The following FSTL4 variants were observed in gnomAD, a reference collection of about 807,000 sequenced individuals.
The protein encoded by FSTL4 is follistatin-related protein 4.
FSTL4 carries 28 observed loss-of-function variants against 78.2 expected under a neutral mutation model. The ratio of observed to expected loss-of-function variants is 0.36; its 90% confidence interval spans 0.27 to 0.49. The LOEUF is 0.49. Among genes scored for constraint, FSTL4 ranks in the 20% least tolerant of loss-of-function variants. The pLI, the probability that FSTL4 is intolerant of heterozygous loss-of-function variation, is 0.98. For missense variants in FSTL4, 922 were observed against 1,084.9 expected (o/e 0.85, Z 2.11); for synonymous variants, 422 against 440.5 (o/e 0.96, Z 0.53).
At chr5:133,711,760 T>A in the FSTL4 span, among the ~76,000 whole-genome samples, 2 of 152,318 alleles carry the variant, frequency 1.3e-5, no homozygotes, top group East Asian at 1.9e-4. Flanking sequence ...TACTTTCGTG[T>A]GATACAAACC....
chr5:133,268,312 C>T (rs554053595), intron 6 of FSTL4, among the ~76,000 whole-genome samples: 2 of 152,326 alleles, frequency 1.3e-5, no homozygotes, highest in Admixed American at 1.3e-4. Flanking sequence ...GTCCGGTCAA[C>T]TTTGGTCTGT....
At chr5:133,369,555 C>A (rs375931485) in intron 4 of FSTL4, among the ~76,000 whole-genome samples, 1 of 152,214 alleles carries the variant, frequency 6.6e-6, no homozygotes, top group Non-Finnish European at 1.5e-5. Context: ...AGGCTTGTTC[C>A]GTCACAACCT....
chr5:133,319,329 A>G (rs552433043), intron 4 of FSTL4, among the ~76,000 whole-genome samples: 1 of 152,348 alleles, frequency 6.6e-6, no homozygotes, highest in Admixed American at 6.5e-5. Flanking sequence ...CACACTGTCC[A>G]GGCCACTCCC....
At chr5:133,595,573 G>A (rs1445579520) in intron 2 of FSTL4, among the ~76,000 whole-genome samples, 1 of 152,170 alleles carries the variant, frequency 6.6e-6, no homozygotes, top group Non-Finnish European at 1.5e-5. Context: ...CGTGATATGT[G>A]GCCATGGCCA....
At chr5:133,750,933 C>T in the FSTL4 span, among the ~76,000 whole-genome samples, 1 of 152,242 alleles carries the variant, frequency 6.6e-6, no homozygotes, top group Non-Finnish European at 1.5e-5. Flanking sequence ...GCCCACTGAG[C>T]AGCCTCCCCC....
At chr5:133,427,734 T>C in intron 3 of FSTL4, 1 of 501,844 alleles carries the variant, frequency 2.0e-6, no homozygotes, top group Non-Finnish European at 4.3e-6. Context: ...GCTGTGGTCT[T>C]AGATCACATG....
the FSTL4 span, among the ~76,000 whole-genome samples, chr5:133,813,684 C>T: frequency 6.6e-6 from 1 of 152,214 alleles, no homozygotes; most frequent in African/African-American, 2.4e-5. Context: ...TTTCCTTTGG[C>T]ATGCCTTAAA....
At chr5:133,704,746 A>G in the FSTL4 span, among the ~76,000 whole-genome samples, 5 of 152,178 alleles carry the variant, frequency 3.3e-5, no homozygotes, top group African/African-American at 9.7e-5. Context: ...GCCTGTCATC[A>G]CTACTTCAGG....
intron 3 of FSTL4, among the ~76,000 whole-genome samples, chr5:133,474,214 G>C (rs1375301970): frequency 6.6e-6 from 1 of 152,084 alleles, no homozygotes; most frequent in Non-Finnish European, 1.5e-5. Context: ...CCAGGGAATG[G>C]GACATTCACA....
chr5:133,419,722 A>T (rs1225245239), intron 3 of FSTL4, among the ~76,000 whole-genome samples: 2 of 152,228 alleles, frequency 1.3e-5, no homozygotes, highest in African/African-American at 4.8e-5. Context: ...CAGATTATGA[A>T]TGTTCTGGTT....
chr5:133,766,602 C>A, the FSTL4 span, among the ~76,000 whole-genome samples: 1 of 152,172 alleles, frequency 6.6e-6, no homozygotes, highest in African/African-American at 2.4e-5. Context: ...CTGTGGGGTA[C>A]TGTGCTACTG....
At chr5:133,794,641 C>T in the FSTL4 span, among the ~76,000 whole-genome samples, 1 of 152,164 alleles carries the variant, frequency 6.6e-6, no homozygotes, top group African/African-American at 2.4e-5. Flanking sequence ...TTACATAAAA[C>T]CTGACAAGCT....
chr5:133,409,906 C>T (rs940452434), intron 3 of FSTL4, among the ~76,000 whole-genome samples: 26 of 152,292 alleles, frequency 1.7e-4, no homozygotes, highest in African/African-American at 5.8e-4. Context: ...TCACATGCAA[C>T]CCTCAGTTTC....
chr5:133,766,782 G>A, the FSTL4 span, among the ~76,000 whole-genome samples: 5 of 152,316 alleles, frequency 3.3e-5, no homozygotes, highest in Admixed American at 1.3e-4. Context: ...CATTCCTACC[G>A]ATGAGACAGA....
chr5:133,604,038 G>C, intron 1 of FSTL4, 45 bp from the exon 2 acceptor site: 1 of 1,411,210 alleles, frequency 7.1e-7, no homozygotes, highest in South Asian at 1.2e-5. Flanking sequence ...ATTATGAGAT[G>C]GATATAATAA....
At position 133,202,000 on chromosome 5, in the gene FSTL4, G is replaced by A. The variant is rs151054673; in HGVS notation, c.1759C>T (p.Arg587Cys). ...ASTGQSQHLI[R>C]TPFAGVDDFF... ...TCATCCACTCCTGCAAAGGGTGTGC[G>A]GATGAGGTGCTGGCTCTGGCCGGTG... Residue 587 changes from arginine to cysteine, a missense_variant, in exon 15 of 16, where the codon CGC becomes TGC. Transcript: ENST00000265342. The A allele has an allele frequency of 1.3e-4, 205 of 1,612,248 alleles. No individual in the cohort carries two copies. Among genetic ancestry groups the A allele is most frequent in the Non-Finnish European group, 1.6e-4 (194 of 1,178,858 alleles).
chr5:133,490,043 G>A (rs1758224842), intron 3 of FSTL4, among the ~76,000 whole-genome samples: 1 of 151,998 alleles, frequency 6.6e-6, no homozygotes, highest in Non-Finnish European at 1.5e-5. Flanking sequence ...TCTCCTCTTT[G>A]TCAAATCAGT....
chr5:133,801,189 T>C, the FSTL4 span, among the ~76,000 whole-genome samples: 1 of 152,198 alleles, frequency 6.6e-6, no homozygotes, highest in East Asian at 1.9e-4. Context: ...TGGTGCCCAC[T>C]GCTGCGACTT....
At chr5:133,545,234 T>C (rs1366076509) in intron 3 of FSTL4, among the ~76,000 whole-genome samples, 1 of 152,106 alleles carries the variant, frequency 6.6e-6, no homozygotes, top group Non-Finnish European at 1.5e-5. Flanking sequence ...GATTCCAGCG[T>C]GAGATCTGGT....
Sources: allele counts gnomAD v4.1 joint callset (sites outside exome capture counted in the v4.1 genomes callset), GRCh38; gene constraint gnomAD v4.1.1; transcripts MANE v1.5; gene names NCBI Gene and HGNC (gene_info 2026-07-23, HGNC 2026-07-21).